CTNNA3: variants seen among roughly 807,000 people sequenced by gnomAD.
CTNNA3 encodes catenin alpha 3, also known as catenin alpha-3.
CTNNA3 carries 76 observed loss-of-function variants against 95.7 expected under a neutral mutation model. The observed-to-expected ratio is 0.79, with a 90% CI of 0.66 to 0.96. CTNNA3 has a LOEUF of 0.96. CTNNA3 is among the 40% of genes least tolerant of loss of function. The pLI, the probability that CTNNA3 is intolerant of heterozygous loss-of-function variation, is 0.00. For missense variants in CTNNA3, 1,191 were observed against 1,089.8 expected (o/e 1.09, Z -1.31); for synonymous variants, 431 against 374.4 (o/e 1.15, Z -1.74).
At chr10:65,981,826 C>G (rs114757585) in intron 16 of CTNNA3, among the ~76,000 whole-genome samples, 240 of 151,888 alleles carry the variant, frequency 1.6e-3, no homozygotes, top group African/African-American at 5.7e-3. Context: ...TCTCATCTCT[C>G]ACCCTATAAA....
At chr10:66,495,631 G>A (rs1226974923) in intron 11 of CTNNA3, among the ~76,000 whole-genome samples, 1 of 151,504 alleles carries the variant, frequency 6.6e-6, no homozygotes, top group Non-Finnish European at 1.5e-5. Flanking sequence ...CATACTGGAA[G>A]TCATTTTGGG....
chr10:66,457,637 G>A (rs1359171896), intron 11 of CTNNA3, among the ~76,000 whole-genome samples: 1 of 123,096 alleles, frequency 8.1e-6, no homozygotes, highest in Non-Finnish European at 1.7e-5. Flanking sequence ...ACATTTGACT[G>A]GTTAAAAAAA....
intron 13 of CTNNA3, among the ~76,000 whole-genome samples, chr10:66,222,599 C>CGAAAGAAA (rs67153927): frequency 0.012 from 1,031 of 82,888 alleles, 18 homozygotes; most frequent in African/African-American, 0.036. Flanking sequence ...AAAGAAAGAA[C>CGAAAGAAA]GAAAGAAAGA....
At chr10:67,697,749 GTTTT>G (rs35289132), upstream of CTNNA3, among the ~76,000 whole-genome samples, 1 of 151,380 alleles carries the variant, frequency 6.6e-6, no homozygotes, top group Non-Finnish European at 1.5e-5. Context: ...TTTATAGTGG[GTTTT>G]TTTTTAATTC....
chr10:67,530,863 G>A (rs541606710), intron 4 of CTNNA3, among the ~76,000 whole-genome samples: 2 of 152,324 alleles, frequency 1.3e-5, no homozygotes, highest in African/African-American at 4.8e-5. Context: ...CATGCTGTGT[G>A]CAGCCTAGGG....
intron 7 of CTNNA3, among the ~76,000 whole-genome samples, chr10:66,793,194 G>A (rs1308128378): frequency 1.3e-5 from 2 of 152,080 alleles, no homozygotes; most frequent in Non-Finnish European, 2.9e-5. Flanking sequence ...CACCCAGACT[G>A]GAGTGCAATG....
At chr10:67,428,715 C>A (rs1170661846) in intron 5 of CTNNA3, among the ~76,000 whole-genome samples, 9 of 151,896 alleles carry the variant, frequency 5.9e-5, no homozygotes. Context: ...GAAGGCAGAT[C>A]CACCTTTAAT....
rs1195326579 is a variant in CTNNA3, at chr10:67,692,341, G to A, written c.-6+3659C>T. 1.8e-4 allele frequency among the ~76,000 whole-genome samples: 27 copies of A among 146,826 alleles called. No individual in the cohort carries two copies. The South Asian group carries it at 2.0e-3, about 11-fold the overall frequency. On this transcript the variant is annotated intron_variant, in intron 1 of 17. Transcript: ENST00000433211. Reference sequence around the variant, plus strand: ...AAGATTGAGAAATCGGATGGTTGCCGTGTCTGTGTAGAAAGAGGTAGACAT... The same window carrying A: ...AAGATTGAGAAATCGGATGGTTGCCATGTCTGTGTAGAAAGAGGTAGACAT...
intron 9 of CTNNA3, among the ~76,000 whole-genome samples, chr10:66,741,389 G>A (rs932757960): frequency 4.6e-5 from 7 of 152,154 alleles, no homozygotes; most frequent in Admixed American, 4.6e-4. Flanking sequence ...GAGTACCATG[G>A]AAGAAAACGT....
chr10:65,982,347 C>CA (rs1050038575), intron 16 of CTNNA3, among the ~76,000 whole-genome samples: 44 of 150,208 alleles, frequency 2.9e-4, no homozygotes, highest in Non-Finnish European at 6.0e-5. Context: ...AACAAAACAA[C>CA]AAAAAAAGGT....
chr10:67,586,041 C>A (rs902709722), intron 3 of CTNNA3, among the ~76,000 whole-genome samples: 1 of 152,036 alleles, frequency 6.6e-6, no homozygotes, highest in Non-Finnish European at 1.5e-5. Flanking sequence ...TCATTTGTTT[C>A]AAAAAAATTT....
At chr10:67,232,440 A>C (rs963047430) in intron 5 of CTNNA3, among the ~76,000 whole-genome samples, 4 of 152,138 alleles carry the variant, frequency 2.6e-5, no homozygotes, top group Non-Finnish European at 4.4e-5. Flanking sequence ...GAAATAAAAT[A>C]CTTTACAGAG....
At chr10:66,848,420 G>A (rs1191000630) in intron 7 of CTNNA3, among the ~76,000 whole-genome samples, 1 of 152,058 alleles carries the variant, frequency 6.6e-6, no homozygotes, top group East Asian at 1.9e-4. Context: ...GACAGTGAAG[G>A]GCACATTCCC....
chr10:67,418,361 A>T (rs1213675687), intron 5 of CTNNA3, among the ~76,000 whole-genome samples: 1 of 152,152 alleles, frequency 6.6e-6, no homozygotes, highest in East Asian at 1.9e-4. Context: ...TTCTGGGTAC[A>T]TATAACTTTT....
intron 5 of CTNNA3, among the ~76,000 whole-genome samples, chr10:67,359,457 A>G (rs1842924574): frequency 6.6e-6 from 1 of 152,160 alleles, no homozygotes; most frequent in Non-Finnish European, 1.5e-5. Flanking sequence ...GAGATTCAAG[A>G]AAAAGTTGAA....
intron 7 of CTNNA3, among the ~76,000 whole-genome samples, chr10:67,067,448 A>C (rs1253325547): frequency 4.6e-5 from 7 of 152,326 alleles, no homozygotes; most frequent in African/African-American, 1.7e-4. Context: ...CCCTATAATA[A>C]CATTTCCACA....
At chr10:67,143,825 A>C (rs1325621772) in intron 7 of CTNNA3, among the ~76,000 whole-genome samples, 2 of 152,158 alleles carry the variant, frequency 1.3e-5, no homozygotes, top group African/African-American at 2.4e-5. Flanking sequence ...GGTTGGAATC[A>C]ACTTCTTCCA....
At chr10:66,825,164 A>T (rs1842456100) in intron 7 of CTNNA3, among the ~76,000 whole-genome samples, 1 of 149,944 alleles carries the variant, frequency 6.7e-6, no homozygotes, top group African/African-American at 2.4e-5. Flanking sequence ...AATGCTTGAC[A>T]TATAGTGTAA....
At position 66,235,938 on chromosome 10, in the gene CTNNA3, C is replaced by T. The variant is rs538059010; in HGVS notation, c.1884+44532G>A. On this transcript the variant is annotated intron_variant, in intron 13 of 17. Coordinates refer to ENST00000433211, the MANE Select transcript of CTNNA3 (RefSeq NM_013266.4). ...TGATTTGACTAAAAACATTTTTTCT[C>T]ACGTCTATTTTCTCATAGTAGCACT... 2.0e-5 allele frequency among the ~76,000 whole-genome samples: 3 copies of T among 152,224 alleles called. 1 individual carries two copies. Among genetic ancestry groups the T allele is most frequent in the African/African-American group, 7.2e-5 (3 of 41,570 alleles).
Sources: gnomAD v4.1 joint callset for allele counts (sites outside exome capture counted in the v4.1 genomes callset) on GRCh38, gnomAD v4.1.1 for gene constraint, MANE v1.5 for transcripts, NCBI Gene and HGNC (gene_info 2026-07-23, HGNC 2026-07-21) for gene names.